The following POLR1A variants were observed in gnomAD, a reference collection of about 807,000 sequenced individuals.
POLR1A encodes the protein RNA polymerase I subunit A, also known as DNA-directed RNA polymerase I subunit RPA1.
A neutral mutation model predicts 205.3 loss-of-function variants in POLR1A; 84 were observed. That is an observed-to-expected ratio of 0.41 (90% confidence interval 0.34 to 0.49). The LOEUF is 0.49. POLR1A is among the 20% of genes least tolerant of loss of function. POLR1A has a pLI of 0.22. For synonymous variants in POLR1A, 799 were observed against 863.7 expected, an observed-to-expected ratio of 0.93 and a Z score of 1.31; for missense variants, 1,645 against 2,204.5, an observed-to-expected ratio of 0.75 and a Z score of 5.08.
In POLR1A at chr2:86,079,708, A is replaced by G. The variant is rs560134964; in HGVS notation, c.1086+1108T>C. Among the ~76,000 whole-genome samples the G allele has an allele frequency of 3.9e-5, 6 of 152,158 alleles. No individual in the cohort carries two copies. The East Asian group carries it at 1.2e-3, about 29-fold the overall frequency. On this transcript the variant is annotated intron_variant, in intron 9 of 33. Transcript: ENST00000263857. Reference sequence around the variant, plus strand: ...CCCCTGAGTAGCTGGCACCATAGGCATGAACCACCATGCCCAGCTATTTTT... The same window carrying G: ...CCCCTGAGTAGCTGGCACCATAGGCGTGAACCACCATGCCCAGCTATTTTT...
intron 14 of POLR1A, among the ~76,000 whole-genome samples, chr2:86,056,208 T>C (rs768707607): frequency 6.6e-6 from 1 of 152,024 alleles, no homozygotes; most frequent in African/African-American, 2.4e-5. Flanking sequence ...TCCCAGCACT[T>C]TGAGAGGCCA....
At chr2:86,043,820 C>T (rs954898881) in intron 22 of POLR1A, among the ~76,000 whole-genome samples, 1 of 152,150 alleles carries the variant, frequency 6.6e-6, no homozygotes, top group Admixed American at 6.5e-5. Flanking sequence ...GCCTACTTCC[C>T]TGGGTTGCAG....
At chr2:86,073,837 A>T (rs915359179) in intron 12 of POLR1A, among the ~76,000 whole-genome samples, 2 of 152,130 alleles carry the variant, frequency 1.3e-5, no homozygotes, top group African/African-American at 4.8e-5. Context: ...TCCTATTGTG[A>T]GTCTGTTTCA....
At chr2:86,054,735 G>A (rs1482233049) in intron 14 of POLR1A, among the ~76,000 whole-genome samples, 1 of 152,220 alleles carries the variant, frequency 6.6e-6, no homozygotes, top group African/African-American at 2.4e-5. Context: ...ATCCCTCAGA[G>A]GGGTCATCCA....
chr2:86,039,622 C>T (rs1672562818), intron 25 of POLR1A, among the ~76,000 whole-genome samples, 160 bp from the exon 26 acceptor site: 5 of 152,170 alleles, frequency 3.3e-5, no homozygotes, highest in Admixed American at 2.6e-4. Context: ...GCTCTGGCCT[C>T]GTGTGCAACA....
chr2:86,102,041 T>TA (rs1176163190), intron 1 of POLR1A, among the ~76,000 whole-genome samples: 4 of 152,238 alleles, frequency 2.6e-5, no homozygotes, highest in African/African-American at 9.6e-5. Context: ...CATCCATTGA[T>TA]AGACACTTGG....
chr2:86,090,429 T>C (rs1369209598), intron 3 of POLR1A, among the ~76,000 whole-genome samples: 1 of 148,376 alleles, frequency 6.7e-6, no homozygotes, highest in African/African-American at 2.5e-5. Flanking sequence ...ACATCCTACG[T>C]CCAATAATGG....
At chr2:86,035,222 G>GA (rs774393522) in intron 27 of POLR1A, among the ~76,000 whole-genome samples, 26 of 151,784 alleles carry the variant, frequency 1.7e-4, no homozygotes, top group Non-Finnish European at 3.2e-4. Context: ...GCCCTTGGCA[G>GA]AAAAAAAAGC....
intron 9 of POLR1A, among the ~76,000 whole-genome samples, chr2:86,079,833 A>T (rs1673363526): frequency 6.6e-6 from 1 of 152,144 alleles, no homozygotes; most frequent in Non-Finnish European, 1.5e-5. Flanking sequence ...AAGTGCTGGG[A>T]TTACAGGCTT....
In POLR1A at chr2:86,063,138, C is replaced by T. The variant is rs563968394; in HGVS notation, c.2058+2136G>A. Among the ~76,000 whole-genome samples, 14 of 152,008 alleles carry T rather than the reference C, an allele frequency of 9.2e-5. No individual in the cohort carries two copies. In the East Asian group the frequency reaches 1.7e-3, roughly 19 times the overall value. On this transcript the variant is annotated intron_variant, in intron 14 of 33. Coordinates refer to ENST00000263857, the MANE Select transcript of POLR1A (RefSeq NM_015425.6). Reference sequence around the variant, plus strand: ...ATCACCTGAGGTTGGGAGTTCGAGCCCAGCCTGACCAACATGGAGAAACCC... The same window carrying T: ...ATCACCTGAGGTTGGGAGTTCGAGCTCAGCCTGACCAACATGGAGAAACCC...
intron 29 of POLR1A, 73 bp downstream of exon 29, chr2:86,032,199 G>T: frequency 3.8e-6 from 4 of 1,048,102 alleles, no homozygotes; most frequent in Non-Finnish European, 6.0e-6. Flanking sequence ...TGGGTGCCGG[G>T]AGATAATCCC....
intron 8 of POLR1A, among the ~76,000 whole-genome samples, 190 bp downstream of exon 8, chr2:86,081,411 A>G (rs762075704): frequency 3.9e-5 from 6 of 152,108 alleles, no homozygotes; most frequent in Non-Finnish European, 8.8e-5. Context: ...AAACAAACAA[A>G]AACAACCAAC....
At chr2:86,071,923 C>T (rs2104414382) in intron 12 of POLR1A, among the ~76,000 whole-genome samples, 1 of 152,310 alleles carries the variant, frequency 6.6e-6, no homozygotes, top group South Asian at 2.1e-4. Context: ...ATCTCTGCCA[C>T]CCCAAATCTC....
intron 14 of POLR1A, among the ~76,000 whole-genome samples, chr2:86,054,614 A>G (rs192327289): frequency 1.3e-5 from 2 of 152,368 alleles, no homozygotes; most frequent in South Asian, 2.1e-4. Flanking sequence ...GAAGGAGAGG[A>G]AAAAGTAAAT....
intron 3 of POLR1A, among the ~76,000 whole-genome samples, chr2:86,095,978 T>G (rs188714857): frequency 3.9e-5 from 6 of 152,222 alleles, no homozygotes; most frequent in Admixed American, 2.0e-4. Flanking sequence ...TCCACCTGCC[T>G]CGGCCTCCCA....
intron 14 of POLR1A, among the ~76,000 whole-genome samples, chr2:86,056,355 G>C (rs1223332974): frequency 6.6e-6 from 1 of 151,968 alleles, no homozygotes; most frequent in African/African-American, 2.4e-5. Context: ...GGGAGGCTGA[G>C]GCAGGAGAAT....
At chr2:86,053,779 G>C (rs992135411) in intron 15 of POLR1A, among the ~76,000 whole-genome samples, 3 of 152,146 alleles carry the variant, frequency 2.0e-5, no homozygotes, top group African/African-American at 7.2e-5. Context: ...TTGTGGCCTG[G>C]TTCCTAAGGC....
intron 18 of POLR1A, among the ~76,000 whole-genome samples, chr2:86,048,010 G>C (rs72934506): frequency 0.044 from 6,742 of 152,250 alleles, 483 homozygotes; most frequent in African/African-American, 0.15. Flanking sequence ...CTGGTTCTCA[G>C]GGAGGTGCTA....
At position 86,030,192 on chromosome 2, in the gene POLR1A, T is replaced by C. The variant is rs750941518; in HGVS notation, c.4779+4A>G. On this transcript the variant is annotated splice_donor_region_variant and intron_variant, in intron 31 of 33. Coordinates refer to ENST00000263857, the MANE Select transcript of POLR1A (RefSeq NM_015425.6). ...GTCCCAGGCCAGCAGACAGCCTGTC[T>C]TACCTCTGCATACTTGAATAGCTCT... The C allele has an allele frequency of 6.2e-7, 1 of 1,612,274 alleles. No individual in the cohort carries two copies. Among genetic ancestry groups the C allele is most frequent in the Admixed American group, 1.7e-5 (1 of 60,034 alleles).
Sources: gnomAD v4.1 joint callset for allele counts (sites outside exome capture counted in the v4.1 genomes callset) on GRCh38, gnomAD v4.1.1 for gene constraint, MANE v1.5 for transcripts, NCBI Gene and HGNC (gene_info 2026-07-23, HGNC 2026-07-21) for gene names.